NKAIN2: variants seen among roughly 807,000 people sequenced by gnomAD.
NKAIN2 encodes sodium/potassium transporting ATPase interacting 2.
NKAIN2 carries 14 observed loss-of-function variants against 32.6 expected under a neutral mutation model. The observed-to-expected ratio is 0.43, with a 90% CI of 0.28 to 0.67. The LOEUF (loss-of-function observed/expected upper bound fraction) is 0.67. NKAIN2 is among the 30% of genes least tolerant of loss of function. The pLI is 0.17. For synonymous variants in NKAIN2, 80 were observed against 87.2 expected (o/e 0.92, Z 0.46); for missense variants, 198 against 258.3 (o/e 0.77, Z 1.60).
At chr6:124,037,591 G>T (rs1235888517) in intron 1 of NKAIN2, among the ~76,000 whole-genome samples, 1 of 151,994 alleles carries the variant, frequency 6.6e-6, no homozygotes, top group Non-Finnish European at 1.5e-5. Context: ...AGTCAGTATT[G>T]TCTTCCCAAT....
chr6:123,962,271 A>C (rs896157769), intron 1 of NKAIN2, among the ~76,000 whole-genome samples: 1 of 152,172 alleles, frequency 6.6e-6, no homozygotes. Flanking sequence ...CATATTTCAT[A>C]TGGAGTCCCA....
At chr6:124,548,889 G>A (rs1780188655) in intron 3 of NKAIN2, among the ~76,000 whole-genome samples, 1 of 152,154 alleles carries the variant, frequency 6.6e-6, no homozygotes. Flanking sequence ...GACAAAGAAG[G>A]AACCATCCAT....
At chr6:124,737,946 G>A (rs1777033255) in intron 4 of NKAIN2, among the ~76,000 whole-genome samples, 1 of 151,870 alleles carries the variant, frequency 6.6e-6, no homozygotes, top group South Asian at 2.1e-4. Context: ...GCATTCAAGA[G>A]GAAGCAGAGC....
chr6:124,339,943 T>C (rs905653112), intron 2 of NKAIN2, among the ~76,000 whole-genome samples: 10 of 152,194 alleles, frequency 6.6e-5, no homozygotes, highest in African/African-American at 2.4e-4. Context: ...TGTATTATAA[T>C]ACATCTTGAC....
At chr6:124,482,556 A>G (rs963140095) in intron 3 of NKAIN2, among the ~76,000 whole-genome samples, 7 of 152,190 alleles carry the variant, frequency 4.6e-5, no homozygotes, top group Admixed American at 2.0e-4. Context: ...TCCTTAAGAG[A>G]ACATTCTTTC....
intron 3 of NKAIN2, among the ~76,000 whole-genome samples, chr6:124,578,556 G>A (rs543637059): frequency 1.3e-5 from 2 of 152,194 alleles, no homozygotes; most frequent in African/African-American, 4.8e-5. Context: ...AGCCTCAGTA[G>A]AATAGAGCAA....
chr6:124,657,010 C>T (rs1287090835), intron 3 of NKAIN2, among the ~76,000 whole-genome samples: 1 of 152,158 alleles, frequency 6.6e-6, no homozygotes, highest in Non-Finnish European at 1.5e-5. Context: ...CCTACCCCAC[C>T]CAACCACCAC....
intron 4 of NKAIN2, among the ~76,000 whole-genome samples, chr6:124,747,841 T>G (rs1273089785): frequency 6.6e-6 from 1 of 151,772 alleles, no homozygotes; most frequent in Admixed American, 6.6e-5. Context: ...AACACTCAAT[T>G]CAAAGCAAAA....
At chr6:124,355,447 C>T (rs1798927276) in intron 3 of NKAIN2, 100 bp downstream of exon 3, 1 of 672,994 alleles carries the variant, frequency 1.5e-6, no homozygotes, top group Non-Finnish European at 2.7e-6. Flanking sequence ...TTAGCTGCAC[C>T]TCAATGAAAG....
intron 1 of NKAIN2, among the ~76,000 whole-genome samples, chr6:124,276,187 GA>G (rs1396770804): frequency 6.6e-6 from 1 of 151,576 alleles, no homozygotes; most frequent in African/African-American, 2.4e-5. Flanking sequence ...TCTTTTTAAA[GA>G]AAAACCATTA....
chr6:124,738,466 C>T (rs1353984243), intron 4 of NKAIN2, among the ~76,000 whole-genome samples: 6 of 151,684 alleles, frequency 4.0e-5, no homozygotes, highest in Non-Finnish European at 7.4e-5. Flanking sequence ...TGCTTGAAAA[C>T]GCAATGTTGT....
At chr6:124,000,642 A>C (rs1779842147) in intron 1 of NKAIN2, among the ~76,000 whole-genome samples, 1 of 152,040 alleles carries the variant, frequency 6.6e-6, no homozygotes, top group Admixed American at 6.6e-5. Context: ...AATTATCTCC[A>C]AAAATATACT....
rs916828786 is a variant in NKAIN2, at chr6:124,006,522, C to T, written c.54+202268C>T. Among the ~76,000 whole-genome samples, 4 of 152,174 alleles carry T rather than the reference C, an allele frequency of 2.6e-5. No individual in the cohort carries two copies. The East Asian group carries it at 7.7e-4, about 29-fold the overall frequency. On this transcript the variant is annotated intron_variant, in intron 1 of 6. Transcript: ENST00000368417. Reference sequence around the variant, plus strand: ...ACATAAATGTTTCAGGGTATTACTGCCATTAGGTTATCCTGAGGCAAAATG... The same window carrying T: ...ACATAAATGTTTCAGGGTATTACTGTCATTAGGTTATCCTGAGGCAAAATG...
At chr6:124,302,424 T>C (rs545080347) in intron 2 of NKAIN2, among the ~76,000 whole-genome samples, 1 of 152,360 alleles carries the variant, frequency 6.6e-6, no homozygotes, top group East Asian at 1.9e-4. Flanking sequence ...TTTTAAGTAT[T>C]ACAATAAAGA....
intron 4 of NKAIN2, among the ~76,000 whole-genome samples, chr6:124,681,352 A>C (rs1043957047): frequency 1.6e-4 from 24 of 152,038 alleles, no homozygotes; most frequent in Admixed American, 1.3e-4. Context: ...CTTCTTTGAT[A>C]TAAATCACAC....
At chr6:124,775,579 T>C (rs1444883683) in intron 4 of NKAIN2, among the ~76,000 whole-genome samples, 2 of 152,178 alleles carry the variant, frequency 1.3e-5, no homozygotes, top group African/African-American at 4.8e-5. Flanking sequence ...CTTCAAAAAC[T>C]CTTCAAATAG....
chr6:124,823,260 A>C lies in NKAIN2; in HGVS notation c.*31A>C, dbSNP rs555757113. Reference sequence around the variant, plus strand: ...ATGACTTCAGTATGTCAGCCCATGGACCTTTCAAAGAACTTTTTTCGCAGT... The same window carrying C: ...ATGACTTCAGTATGTCAGCCCATGGCCCTTTCAAAGAACTTTTTTCGCAGT... On this transcript the variant is annotated 3_prime_UTR_variant, in exon 7 of 7. Transcript: ENST00000368417. 41 of 1,560,816 alleles carry C rather than the reference A, an allele frequency of 2.6e-5. No individual in the cohort carries two copies. In the South Asian group the frequency reaches 4.4e-4, roughly 17 times the overall value.
chr6:124,282,007 T>C (rs758889341), intron 1 of NKAIN2, among the ~76,000 whole-genome samples: 1 of 152,206 alleles, frequency 6.6e-6, no homozygotes, highest in Non-Finnish European at 1.5e-5. Flanking sequence ...GAGAGTTTAT[T>C]ATCATCCCCC....
At chr6:124,035,702 C>T (rs955283872) in intron 1 of NKAIN2, among the ~76,000 whole-genome samples, 1 of 152,174 alleles carries the variant, frequency 6.6e-6, no homozygotes, top group African/African-American at 2.4e-5. Context: ...ATTCACTCTA[C>T]TTCTGCTCAA....
Sources: allele counts gnomAD v4.1 joint callset (sites outside exome capture counted in the v4.1 genomes callset), GRCh38; gene constraint gnomAD v4.1.1; transcripts MANE v1.5; gene names NCBI Gene and HGNC (gene_info 2026-07-23, HGNC 2026-07-21).